UBE2F: variants seen among roughly 807,000 people sequenced by gnomAD.
The protein encoded by UBE2F is NEDD8-conjugating enzyme UBE2F.
A neutral mutation model predicts 29.6 loss-of-function variants in UBE2F; 5 were observed. The observed-to-expected ratio is 0.17, with a 90% CI of 0.09 to 0.36. The LOEUF is 0.36. UBE2F is among the 10% of genes least tolerant of loss of function. UBE2F has a pLI of 1.00. For synonymous variants in UBE2F, 66 were observed against 81.8 expected, an observed-to-expected ratio of 0.81 and a Z score of 1.04; for missense variants, 141 against 228.5, an observed-to-expected ratio of 0.62 and a Z score of 2.47.
chr2:237,992,431 G>T (rs1328607520), intron 3 of UBE2F, among the ~76,000 whole-genome samples: 1 of 152,120 alleles, frequency 6.6e-6, no homozygotes, highest in Non-Finnish European at 1.5e-5. Flanking sequence ...GTGTAATTTT[G>T]GGGAAAGTCT....
chr2:238,027,713 C>A (rs138831971), intron 6 of UBE2F, among the ~76,000 whole-genome samples: 1 of 152,324 alleles, frequency 6.6e-6, no homozygotes, highest in Non-Finnish European at 1.5e-5. Flanking sequence ...TGTCCAGTGG[C>A]AGCTTTATGG....
chr2:238,017,451 T>G (rs2064183762), intron 5 of UBE2F, among the ~76,000 whole-genome samples: 1 of 151,652 alleles, frequency 6.6e-6, no homozygotes, highest in Non-Finnish European at 1.5e-5. Context: ...TCAACTCGAG[T>G]GAAGAATTGG....
chr2:237,994,618 A>G (rs1262812655), intron 3 of UBE2F, 126 bp from the exon 4 acceptor site: 4 of 701,148 alleles, frequency 5.7e-6, no homozygotes, highest in East Asian at 2.7e-5. Context: ...AGGGAGATCT[A>G]CCAACTTTCC....
chr2:237,979,951 C>A (rs1224760052), intron 2 of UBE2F, among the ~76,000 whole-genome samples: 1 of 152,198 alleles, frequency 6.6e-6, no homozygotes, highest in African/African-American at 2.4e-5. Flanking sequence ...TAGTGTGAGG[C>A]CTCAGCCCTG....
chr2:237,978,068 C>A (rs147004668), intron 2 of UBE2F, among the ~76,000 whole-genome samples: 4 of 152,138 alleles, frequency 2.6e-5, no homozygotes, highest in Non-Finnish European at 5.9e-5. Flanking sequence ...CAAGAGCAAG[C>A]GCAAGCACAA....
At chr2:238,011,452 T>G (rs932461843) in intron 4 of UBE2F, among the ~76,000 whole-genome samples, 1 of 152,242 alleles carries the variant, frequency 6.6e-6, no homozygotes, top group African/African-American at 2.4e-5. Context: ...ATTTATGTAT[T>G]TTCTCTCCCT....
intron 2 of UBE2F, chr2:237,986,140 TTC>T: frequency 2.1e-5 from 7 of 338,004 alleles, no homozygotes; most frequent in East Asian, 9.6e-5. Context: ...ACCTTTTCTT[TTC>T]TTTTTTTTTT....
chr2:238,040,516 A>G lies in UBE2F; in HGVS notation c.508-772A>G, dbSNP rs2064816091. On this transcript the variant is annotated intron_variant, in intron 9 of 9. Transcript: ENST00000272930. This position sits in a 1 kb window ranked among gnomAD's most constrained non-coding sequence, Gnocchi z 4.4. ...CGAAGCAGTGTGATCCTGCAGGGAC[A>G]TCTGAGACCCAGCAGCTGTGTTGTA... 6.6e-6 allele frequency among the ~76,000 whole-genome samples: 1 copy of G among 152,176 alleles called. No homozygotes were observed. The highest frequency in any genetic ancestry group is 2.1e-4 in the South Asian group (1 of 4,832).
intron 4 of UBE2F, among the ~76,000 whole-genome samples, chr2:237,999,523 G>A (rs1408238302): frequency 6.6e-6 from 1 of 152,122 alleles, no homozygotes; most frequent in African/African-American, 2.4e-5. Context: ...TTTATGTTAA[G>A]GTCCATCAGC....
chr2:237,984,635 CT>C (rs1276026883), intron 2 of UBE2F, among the ~76,000 whole-genome samples: 1 of 152,248 alleles, frequency 6.6e-6, no homozygotes, highest in Non-Finnish European at 1.5e-5. Flanking sequence ...GAGCACACTA[CT>C]TTCTGTCTGA....
intron 2 of UBE2F, among the ~76,000 whole-genome samples, chr2:237,975,792 C>T (rs1288021098): frequency 6.6e-6 from 1 of 152,126 alleles, no homozygotes; most frequent in Non-Finnish European, 1.5e-5. Context: ...GCACACACTA[C>T]CACGCCCAGC....
chr2:237,997,007 A>C (rs1408597431), intron 4 of UBE2F, among the ~76,000 whole-genome samples: 2 of 152,052 alleles, frequency 1.3e-5, no homozygotes, highest in African/African-American at 2.4e-5. Context: ...GGATCACTTG[A>C]GGTCAGGAGT....
chr2:238,028,324 T>C (rs964521764), intron 6 of UBE2F, among the ~76,000 whole-genome samples: 3 of 152,280 alleles, frequency 2.0e-5, no homozygotes, highest in Non-Finnish European at 4.4e-5. Context: ...ATTCAGCTAA[T>C]GTTGATTGAG....
chr2:238,017,178 G>A (rs1038759503), intron 5 of UBE2F, among the ~76,000 whole-genome samples: 17 of 152,182 alleles, frequency 1.1e-4, no homozygotes, highest in Admixed American at 5.9e-4. Flanking sequence ...TTGATAAAGC[G>A]ATAAAAATGG....
chr2:238,034,197 C>CCAGCAGATCACCTGAGGT (rs2064651039), intron 8 of UBE2F, among the ~76,000 whole-genome samples: 1 of 151,720 alleles, frequency 6.6e-6, no homozygotes, highest in African/African-American at 2.4e-5. Flanking sequence ...GGCGCTGAGG[C>CCAGCAGATCACCTGAGGT]CAGCAGATCA....
chr2:238,025,026 G>T (rs1484932187), intron 5 of UBE2F, among the ~76,000 whole-genome samples: 3 of 152,156 alleles, frequency 2.0e-5, no homozygotes, highest in African/African-American at 7.2e-5. Flanking sequence ...AAACCCAGGG[G>T]GTGTGGGAGG....
intron 4 of UBE2F, among the ~76,000 whole-genome samples, chr2:237,998,411 T>C (rs2063729291): frequency 6.6e-6 from 1 of 152,206 alleles, no homozygotes; most frequent in East Asian, 1.9e-4. Flanking sequence ...GAATCTTATA[T>C]ATGTACTCTT....
At chr2:238,025,694 GC>G (rs2106397480) in intron 6 of UBE2F, among the ~76,000 whole-genome samples, 1 of 152,244 alleles carries the variant, frequency 6.6e-6, no homozygotes, top group Admixed American at 6.5e-5. Context: ...GGAGTCCCTT[GC>G]CTTGTTCCCC....
chr2:237,975,617 A>G (rs370851944), intron 2 of UBE2F, among the ~76,000 whole-genome samples: 3 of 152,228 alleles, frequency 2.0e-5, no homozygotes, highest in African/African-American at 7.2e-5. Context: ...TAAACTGGGG[A>G]AGGAATGGGA....
Sources: allele counts gnomAD v4.1 joint callset (sites outside exome capture counted in the v4.1 genomes callset), GRCh38; gene constraint gnomAD v4.1.1; non-coding constraint Gnocchi (gnomAD v3.1); transcripts MANE v1.5; gene names NCBI Gene and HGNC (gene_info 2026-07-23, HGNC 2026-07-21).